Variants in VPS52 observed in about 807,000 individuals in gnomAD.
The protein encoded by VPS52 is VPS52 subunit of GARP complex.
A neutral mutation model predicts 98.7 loss-of-function variants in VPS52; 56 were observed. The ratio of observed to expected loss-of-function variants is 0.57; its 90% CI spans 0.46 to 0.71. The LOEUF is 0.71. Ranked by LOEUF, VPS52 falls within the 30% of genes least tolerant of loss-of-function variation. VPS52 has a pLI of 0.00. For missense variants in VPS52, 742 were observed against 925.9 expected, an observed-to-expected ratio of 0.80 and a Z score of 2.58; for synonymous variants, 348 against 346.4, an observed-to-expected ratio of 1.00 and a Z score of -0.05.
Position 33,267,953 on chromosome 6 carries a change from TTTGCTG to T in VPS52, c.839_844del (p.Thr280_Ala281del). The T allele has an allele frequency of 6.2e-7, 1 of 1,613,068 alleles. No homozygotes were observed. Among genetic ancestry groups the T allele is most frequent in the East Asian group, 2.2e-5 (1 of 44,876 alleles). The stretch of plus-strand genomic sequence containing the variant: ...CTCCACATATTCATCCCTGATCTCC[TTTGCTG>T]TTGCTCGTTCATTGCCCAGCAGAAA... On this transcript the variant is annotated inframe_deletion, in exon 9 of 20. Transcript: ENST00000445902. This position sits in a 1 kb window ranked among gnomAD's most constrained non-coding sequence, Gnocchi z 4.2.
At chr6:33,260,843 A>C (rs901847551) in intron 17 of VPS52, among the ~76,000 whole-genome samples, 13 of 152,100 alleles carry the variant, frequency 8.5e-5, no homozygotes, top group African/African-American at 3.1e-4. Flanking sequence ...TCTACTAAAA[A>C]TACAAAAATT....
At chr6:33,265,480 C>T (rs1411445716) in intron 12 of VPS52, among the ~76,000 whole-genome samples, 1 of 152,166 alleles carries the variant, frequency 6.6e-6, no homozygotes, top group South Asian at 2.1e-4. Context: ...GATGTTCCCA[C>T]CTCAGCCTGC....
At chr6:33,257,426 G>A (rs1465752104) in intron 17 of VPS52, among the ~76,000 whole-genome samples, 1 of 150,022 alleles carries the variant, frequency 6.7e-6, no homozygotes, top group Non-Finnish European at 1.5e-5. Flanking sequence ...TTTAAACGGA[G>A]TCTCACTCTA....
intron 16 of VPS52, 94 bp downstream of exon 16, chr6:33,263,678 A>G: frequency 1.9e-6 from 3 of 1,581,204 alleles, no homozygotes; most frequent in Non-Finnish European, 2.6e-6. Context: ...AACACTGAAC[A>G]AGACAGGCAT....
chr6:33,270,470 TACG>T (rs1326008479), intron 1 of VPS52, among the ~76,000 whole-genome samples, 187 bp from the exon 2 acceptor site: 1 of 152,126 alleles, frequency 6.6e-6, no homozygotes, highest in Non-Finnish European at 1.5e-5. Flanking sequence ...GGGTAAGGAA[TACG>T]ACAAGGAGTG....
chr6:33,265,991 C>T (rs956425165), intron 12 of VPS52, among the ~76,000 whole-genome samples: 1 of 151,876 alleles, frequency 6.6e-6, no homozygotes, highest in African/African-American at 2.4e-5. Flanking sequence ...CTCAGCCTCC[C>T]GAGTAGCTGG....
At chr6:33,260,333 G>A (rs550536602) in intron 17 of VPS52, among the ~76,000 whole-genome samples, 1 of 151,882 alleles carries the variant, frequency 6.6e-6, no homozygotes, top group Non-Finnish European at 1.5e-5. Context: ...TAGAACTACA[G>A]GTGCATACCA....
In VPS52 at chr6:33,268,970, T is replaced by C; in HGVS notation, c.548+44A>G. The C allele has an allele frequency of 6.2e-7, 1 of 1,601,074 alleles. No homozygotes were observed. The highest frequency in any genetic ancestry group is 1.3e-5 in the African/African-American group (1 of 74,746). Reference sequence around the variant, plus strand: ...AAATAGGGTGGGTCACCCCAGCCCATCCACCTGCTATGGACATTATAACCC... The same window carrying C: ...AAATAGGGTGGGTCACCCCAGCCCACCCACCTGCTATGGACATTATAACCC... On this transcript the variant is annotated intron_variant, in intron 6 of 19. Coordinates refer to ENST00000445902, the MANE Select transcript of VPS52 (RefSeq NM_022553.6). This position sits in a 1 kb window ranked among gnomAD's most constrained non-coding sequence, Gnocchi z 4.0.
chr6:33,253,168 T>G (rs564767077), intron 17 of VPS52, among the ~76,000 whole-genome samples: 34 of 152,268 alleles, frequency 2.2e-4, no homozygotes, highest in African/African-American at 7.7e-4. Context: ...ATATGGACTT[T>G]ATATGGATCC....
rs1344978204 is a variant in VPS52 at position 33,267,648 on chromosome 6, G to C, written c.991+34C>G. 6.2e-7 allele frequency: 1 copy of C among 1,612,234 alleles called. No individual in the cohort carries two copies. The highest frequency in any genetic ancestry group is 8.5e-7 in the Non-Finnish European group (1 of 1,179,468). On this transcript the variant is annotated intron_variant, in intron 10 of 19. Transcript: ENST00000445902. The surrounding 1 kb of genome is among the most constrained non-coding windows in gnomAD (Gnocchi z 4.2). The stretch of plus-strand genomic sequence containing the variant: ...GAGTCGAAAGTCCTCCCACTCTCAA[G>C]GCCTGGCATGAGGGTTCCCCAGTAC...
chr6:33,263,412 C>CAT (rs1554258969), intron 17 of VPS52, 72 bp downstream of exon 17: 16 of 1,261,126 alleles, frequency 1.3e-5, no homozygotes, highest in Non-Finnish European at 1.8e-5. Flanking sequence ...CACACACACA[C>CAT]ACAGAGAGAG....
Position 33,250,948 on chromosome 6 carries a change from G to A in VPS52, c.2065C>T (p.His689Tyr). The A allele has an allele frequency of 6.2e-7, 1 of 1,613,088 alleles. No homozygotes were observed. The highest frequency in any genetic ancestry group is 8.5e-7 in the Non-Finnish European group (1 of 1,180,042). The stretch of plus-strand genomic sequence containing the variant: ...AGCTGCGGCTGGGACAGCACCCGGT[G>A]GAAGCGATGATAGAGCTGGATCAGC... ...TQLIQLYHRFHRVLSQPQLRA... is the reference protein window; with the variant it reads ...TQLIQLYHRFYRVLSQPQLRA... The change falls in exon 20 of 20, where the codon CAC (histidine) becomes TAC (tyrosine). Residue 689 changes from histidine to tyrosine, a missense_variant. Physicochemically the swap from His to Tyr is moderately conservative, Grantham distance 83. This residue lies in a region of VPS52 where 590 missense variants were observed against 793.3 expected (regional missense o/e 0.74). Transcript: ENST00000445902.
chr6:33,255,374 C>A (rs1238733839), intron 17 of VPS52, among the ~76,000 whole-genome samples: 1 of 151,562 alleles, frequency 6.6e-6, no homozygotes, highest in Non-Finnish European at 1.5e-5. Flanking sequence ...GGTTTAAGTG[C>A]ATCTTTGTGG....
chr6:33,251,768 C>T (rs908688874), intron 18 of VPS52, 92 bp downstream of exon 18: 1 of 1,454,396 alleles, frequency 6.9e-7, no homozygotes, highest in South Asian at 1.1e-5. Flanking sequence ...GTCTTTCATA[C>T]TCTATTCCCC....
chr6:33,269,751 A>G lies in VPS52; in HGVS notation c.297T>C (p.Ile99=). 1.9e-6 allele frequency: 3 copies of G among 1,613,634 alleles called. No individual in the cohort carries two copies. The highest frequency in any genetic ancestry group is 2.7e-5 in the African/African-American group (2 of 74,928). Residue 99 remains isoleucine (I), a synonymous_variant, in exon 4 of 20, where the codon ATT becomes ATC. Transcript: ENST00000445902. ...LELQQIEQKS[I]RDYIQESENI... Reference sequence around the variant, plus strand: ...CCCTCTGCTGGAGGATACAATCCCGAATGGATTTCTGTTCAATCTGCTGTA... The same window carrying G: ...CCCTCTGCTGGAGGATACAATCCCGGATGGATTTCTGTTCAATCTGCTGTA...
At chr6:33,266,829 C>A in intron 11 of VPS52, 117 bp from the exon 12 acceptor site, 1 of 1,330,716 alleles carries the variant, frequency 7.5e-7, no homozygotes, top group Non-Finnish European at 1.0e-6. Context: ...AGACCCTTCG[C>A]ATCTATCTAG....
chr6:33,269,724 T>A lies in VPS52; in HGVS notation c.304+20A>T. 6.2e-7 allele frequency: 1 copy of A among 1,611,886 alleles called. No individual in the cohort carries two copies. The highest frequency in any genetic ancestry group is 8.5e-7 in the Non-Finnish European group (1 of 1,178,444). Reference sequence around the variant, plus strand: ...ATCCCCATGTCAATAGCACCACCCCTTCCCTCTGCTGGAGGATACAATCCC... The same window carrying A: ...ATCCCCATGTCAATAGCACCACCCCATCCCTCTGCTGGAGGATACAATCCC... On this transcript the variant is annotated intron_variant, in intron 4 of 19. Coordinates refer to ENST00000445902, the MANE Select transcript of VPS52 (RefSeq NM_022553.6).
chr6:33,266,755 C>T (rs1764369228), intron 11 of VPS52, 43 bp from the exon 12 acceptor site: 4 of 1,564,056 alleles, frequency 2.6e-6, no homozygotes, highest in East Asian at 2.2e-5. Context: ...AGGGATGGAC[C>T]CCAACACTGA....
At position 33,269,991 on chromosome 6, in the gene VPS52, A is replaced by G; in HGVS notation, c.228+8T>C. 2 of 1,614,118 alleles carry G rather than the reference A, an allele frequency of 1.2e-6. No individual in the cohort carries two copies. The highest frequency in any genetic ancestry group is 4.5e-5 in the East Asian group (2 of 44,886). On this transcript the variant is annotated splice_region_variant and intron_variant, in intron 3 of 19. Transcript: ENST00000445902. ...AGAAGGGCAGATTAGTACAGGGGAA[A>G]GCCTCACCGTTTTAAGAGCTTCCTT...
Sources: gnomAD v4.1 joint callset for allele counts (sites outside exome capture counted in the v4.1 genomes callset) on GRCh38, gnomAD v4.1.1 for gene constraint, gnomAD v4.1.1 regional missense constraint, Gnocchi (gnomAD v3.1) non-coding constraint, MANE v1.5 for transcripts, NCBI Gene and HGNC (gene_info 2026-07-23, HGNC 2026-07-21) for gene names.